The following RCAN2 variants were observed in gnomAD, a reference collection of about 807,000 sequenced individuals.
RCAN2 encodes the protein calcipressin-2.
A neutral mutation model predicts 23.6 loss-of-function variants in RCAN2; 9 were observed. The ratio of observed to expected loss-of-function variants is 0.38; its 90% CI spans 0.23 to 0.67. RCAN2 has a LOEUF of 0.67. Among genes scored for constraint, RCAN2 ranks in the 30% least tolerant of loss-of-function variants. The pLI is 0.51. For synonymous variants in RCAN2, 109 were observed against 115.7 expected (o/e 0.94, Z 0.37); for missense variants, 273 against 302.3 (o/e 0.90, Z 0.72).
At chr6:46,387,038 G>A (rs183851177) in intron 2 of RCAN2, among the ~76,000 whole-genome samples, 233 of 152,084 alleles carry the variant, frequency 1.5e-3, no homozygotes, top group Non-Finnish European at 2.8e-3. Flanking sequence ...CTGAGAAAAC[G>A]GGCTAGCCAT....
intron 2 of RCAN2, among the ~76,000 whole-genome samples, chr6:46,252,875 G>C (rs1766781645): frequency 6.6e-6 from 1 of 152,110 alleles, no homozygotes; most frequent in Non-Finnish European, 1.5e-5. Context: ...TATTTTAACA[G>C]CCCTTCAAAT....
At chr6:46,400,125 G>C (rs13199106) in intron 2 of RCAN2, among the ~76,000 whole-genome samples, 75,728 of 152,026 alleles carry the variant, frequency 0.5, 19,534 homozygotes, top group East Asian at 0.61. Context: ...CTGCCTCAAA[G>C]TGCAATTCCC....
In RCAN2 at chr6:46,360,135, T is replaced by C. The variant is rs184264354; in HGVS notation, c.225+96617A>G. Among the ~76,000 whole-genome samples, 13 of 152,300 alleles carry C rather than the reference T, an allele frequency of 8.5e-5. No homozygotes were observed. The East Asian group carries it at 2.5e-3, about 29-fold the overall frequency. ...GAAAATTCTAGGGTGGGGCATATGA[T>C]TCTGCATTTCAAACCAACTATGCAG... On this transcript the variant is annotated intron_variant, in intron 2 of 4. Transcript: ENST00000371374.
intron 1 of RCAN2, among the ~76,000 whole-genome samples, chr6:46,462,927 G>T (rs115903266): frequency 0.018 from 2,814 of 152,282 alleles, 78 homozygotes; most frequent in African/African-American, 0.064. Context: ...AGGAATTCTG[G>T]TCTAGAAAGC....
chr6:46,310,833 C>G (rs983905880), intron 2 of RCAN2, among the ~76,000 whole-genome samples: 2 of 152,126 alleles, frequency 1.3e-5, no homozygotes, highest in African/African-American at 4.8e-5. Flanking sequence ...AGGAAGTTTA[C>G]TTAGAAATTA....
rs137856272 is a variant in RCAN2 at position 46,333,630 on chromosome 6, C to A, written c.226-84734G>T. Among the ~76,000 whole-genome samples, 242 of 152,332 alleles carry A rather than the reference C, an allele frequency of 1.6e-3. 1 individual carries two copies. The highest frequency in any genetic ancestry group is 5.5e-3 in the African/African-American group (229 of 41,574). On this transcript the variant is annotated intron_variant, in intron 2 of 4. Transcript: ENST00000371374. The stretch of plus-strand genomic sequence containing the variant: ...TTGTACTATTTTTCTTCCCCACCAG[C>A]AATTTATGAGAAAGTTTGTTTCTCC...
intron 2 of RCAN2, among the ~76,000 whole-genome samples, chr6:46,286,760 T>A (rs939813030): frequency 6.6e-6 from 1 of 151,960 alleles, no homozygotes; most frequent in Admixed American, 6.6e-5. Context: ...CCCAGCACTT[T>A]GGGAGGCCGA....
intron 2 of RCAN2, among the ~76,000 whole-genome samples, chr6:46,412,932 C>T (rs535021874): frequency 2.0e-5 from 3 of 152,282 alleles, no homozygotes; most frequent in Admixed American, 2.0e-4. Context: ...TTCTAATTCA[C>T]TTAGAGCCAT....
chr6:46,290,008 C>T (rs1762494240), intron 2 of RCAN2, among the ~76,000 whole-genome samples: 1 of 152,154 alleles, frequency 6.6e-6, no homozygotes, highest in African/African-American at 2.4e-5. Flanking sequence ...AGTGAAGCAG[C>T]CAACTTGGAC....
intron 2 of RCAN2, among the ~76,000 whole-genome samples, chr6:46,305,234 GAA>G (rs1221773808): frequency 6.6e-6 from 1 of 152,114 alleles, no homozygotes; most frequent in African/African-American, 2.4e-5. Context: ...TCTGTGGAGA[GAA>G]ACTTTGATGC....
intron 2 of RCAN2, among the ~76,000 whole-genome samples, chr6:46,276,498 G>C (rs969320808): frequency 6.6e-6 from 1 of 152,174 alleles, no homozygotes; most frequent in Non-Finnish European, 1.5e-5. Flanking sequence ...AGGCATCCAT[G>C]AGACCTGTCA....
At chr6:46,251,238 A>G (rs1392476499) in intron 2 of RCAN2, among the ~76,000 whole-genome samples, 2 of 151,944 alleles carry the variant, frequency 1.3e-5, no homozygotes, top group Admixed American at 6.6e-5. Flanking sequence ...TTCAGCTACC[A>G]CTCCAAGTAG....
chr6:46,467,440 C>T (rs1768418377), intron 1 of RCAN2, among the ~76,000 whole-genome samples: 1 of 152,204 alleles, frequency 6.6e-6, no homozygotes, highest in East Asian at 1.9e-4. Context: ...TCGGACACAC[C>T]ATGAGTGTTC....
chr6:46,254,642 C>T (rs183049310), intron 2 of RCAN2, among the ~76,000 whole-genome samples: 247 of 152,112 alleles, frequency 1.6e-3, no homozygotes, highest in African/African-American at 5.9e-3. Flanking sequence ...TGGGGAAACA[C>T]TTATTGGCTG....
intron 2 of RCAN2, among the ~76,000 whole-genome samples, chr6:46,414,108 C>A (rs1053337272): frequency 1.3e-5 from 2 of 152,076 alleles, no homozygotes; most frequent in African/African-American, 4.8e-5. Flanking sequence ...GATTAAAATG[C>A]CAATATGCTG....
chr6:46,232,611 G>C (rs553565219), intron 4 of RCAN2, among the ~76,000 whole-genome samples: 1 of 152,108 alleles, frequency 6.6e-6, no homozygotes, highest in East Asian at 1.9e-4. Flanking sequence ...GGTCAACATG[G>C]GGAAACCCCC....
intron 2 of RCAN2, among the ~76,000 whole-genome samples, chr6:46,427,458 T>C (rs556889268): frequency 6.6e-5 from 10 of 152,218 alleles, no homozygotes; most frequent in Non-Finnish European, 1.3e-4. Context: ...AATAAGATTA[T>C]ACATGTAAAA....
chr6:46,386,444 CA>C (rs112347117), intron 2 of RCAN2, among the ~76,000 whole-genome samples: 9,312 of 133,934 alleles, frequency 0.07, 572 homozygotes, highest in African/African-American at 0.17. Flanking sequence ...ACTAAAAATA[CA>C]AAAAAAAAAA....
intron 1 of RCAN2, among the ~76,000 whole-genome samples, chr6:46,458,188 C>G (rs1245333944): frequency 6.6e-6 from 1 of 152,196 alleles, no homozygotes; most frequent in Non-Finnish European, 1.5e-5. Context: ...AAGGTGGGTA[C>G]CACTAAACAT....
Sources: allele counts gnomAD v4.1 joint callset (sites outside exome capture counted in the v4.1 genomes callset), GRCh38; gene constraint gnomAD v4.1.1; transcripts MANE v1.5; gene names NCBI Gene and HGNC (gene_info 2026-07-23, HGNC 2026-07-21).